The following MEIS2 variants were observed in gnomAD, a reference collection of about 807,000 sequenced individuals.
MEIS2 encodes homeobox protein Meis2.
In MEIS2, 9 loss-of-function variants were observed where a neutral mutation model predicts 58.6. That is an observed-to-expected ratio of 0.15 (90% CI 0.09 to 0.27). MEIS2 has a LOEUF of 0.27. Among genes scored for constraint, MEIS2 ranks in the 10% least tolerant of loss-of-function variants. MEIS2 has a pLI of 1.00. For synonymous variants in MEIS2, 221 were observed against 228.4 expected, an observed-to-expected ratio of 0.97 and a Z score of 0.29; for missense variants, 427 against 635.0, an observed-to-expected ratio of 0.67 and a Z score of 3.52.
chr15:37,088,931 G>T (rs1393117027), intron 6 of MEIS2, among the ~76,000 whole-genome samples: 5 of 152,088 alleles, frequency 3.3e-5, no homozygotes, highest in African/African-American at 4.8e-5. Context: ...ATCTGATAGG[G>T]AATGTCTATG....
At chr15:37,031,478 A>C (rs2061922516) in intron 8 of MEIS2, among the ~76,000 whole-genome samples, 1 of 143,872 alleles carries the variant, frequency 7.0e-6, no homozygotes, top group Non-Finnish European at 1.5e-5. Context: ...AAGATGACTA[A>C]GTTTACGGTC....
At chr15:36,996,889 T>C (rs1043258079) in intron 8 of MEIS2, among the ~76,000 whole-genome samples, 1 of 152,232 alleles carries the variant, frequency 6.6e-6, no homozygotes, top group African/African-American at 2.4e-5. Flanking sequence ...ATTACATACT[T>C]GCATTCAGGC....
intron 7 of MEIS2, among the ~76,000 whole-genome samples, chr15:37,057,321 C>G (rs1203264075): frequency 6.6e-6 from 1 of 152,242 alleles, no homozygotes; most frequent in Non-Finnish European, 1.5e-5. Context: ...CCTGCCTCCT[C>G]AGAGTGCTGA....
At chr15:37,003,864 G>A (rs2060824096) in intron 8 of MEIS2, among the ~76,000 whole-genome samples, 1 of 152,136 alleles carries the variant, frequency 6.6e-6, no homozygotes. Context: ...TCTGCCATAT[G>A]AGGACATATT....
chr15:36,902,817 A>G (rs2056546208), intron 9 of MEIS2, among the ~76,000 whole-genome samples: 1 of 152,170 alleles, frequency 6.6e-6, no homozygotes, highest in Non-Finnish European at 1.5e-5. Flanking sequence ...TAATAATTTA[A>G]TTTATTGTAC....
At chr15:37,073,941 AT>A (rs1891039943) in intron 7 of MEIS2, among the ~76,000 whole-genome samples, 1 of 152,082 alleles carries the variant, frequency 6.6e-6, no homozygotes, top group African/African-American at 2.4e-5. Flanking sequence ...TATATTTTAT[AT>A]GAATTTACAG....
At position 37,019,023 on chromosome 15, in the gene MEIS2, C is replaced by T. The variant is rs375955876; in HGVS notation, c.900+17791G>A. Reference sequence around the variant, plus strand: ...CCAAGAGGACTAGTCCCAGACCACCCGCAGCTATAATTTATGTCATGGGGT... The same window carrying T: ...CCAAGAGGACTAGTCCCAGACCACCTGCAGCTATAATTTATGTCATGGGGT... On this transcript the variant is annotated intron_variant, in intron 8 of 11. Coordinates refer to ENST00000561208, the MANE Select transcript of MEIS2 (RefSeq NM_170675.5). Among the ~76,000 whole-genome samples, 367 of 152,192 alleles carry T rather than the reference C, an allele frequency of 2.4e-3. 1 individual carries two copies. The highest frequency in any genetic ancestry group is 4.4e-3 in the Non-Finnish European group (297 of 68,006).
intron 8 of MEIS2, among the ~76,000 whole-genome samples, chr15:36,984,875 C>T (rs56797786): frequency 0.014 from 2,120 of 152,114 alleles, 58 homozygotes; most frequent in African/African-American, 0.048. Flanking sequence ...TTTATTGGCA[C>T]AAAATTGCTC....
chr15:37,036,205 C>T (rs2062145380), intron 8 of MEIS2, among the ~76,000 whole-genome samples: 1 of 152,134 alleles, frequency 6.6e-6, no homozygotes, highest in Non-Finnish European at 1.5e-5. Context: ...ACATGGTTAG[C>T]TTTTAAGATA....
intron 8 of MEIS2, among the ~76,000 whole-genome samples, chr15:36,964,215 T>C (rs1019887434): frequency 6.6e-6 from 1 of 152,238 alleles, no homozygotes; most frequent in Admixed American, 6.5e-5. Flanking sequence ...AAATGAAACA[T>C]TCTGGTGGAT....
intron 7 of MEIS2, among the ~76,000 whole-genome samples, chr15:37,058,750 G>C (rs1302944360): frequency 6.6e-6 from 1 of 152,210 alleles, no homozygotes; most frequent in Non-Finnish European, 1.5e-5. Context: ...AGGCTCCACA[G>C]ATCACCTGGG....
At chr15:37,035,996 T>C (rs1328869360) in intron 8 of MEIS2, among the ~76,000 whole-genome samples, 1 of 152,256 alleles carries the variant, frequency 6.6e-6, no homozygotes, top group East Asian at 1.9e-4. Flanking sequence ...AAATTTTTAC[T>C]GGTTTCCCAG....
At chr15:37,036,775 A>G in intron 8 of MEIS2, 39 bp downstream of exon 8, 1 of 1,598,926 alleles carries the variant, frequency 6.3e-7, no homozygotes, top group Non-Finnish European at 8.5e-7. Flanking sequence ...TAGCAAAACA[A>G]CAAAAACTAT....
chr15:37,032,583 G>A (rs2061973634), intron 8 of MEIS2, among the ~76,000 whole-genome samples: 1 of 152,158 alleles, frequency 6.6e-6, no homozygotes, highest in South Asian at 2.1e-4. Flanking sequence ...TTCCAGCAAA[G>A]GCACACACAT....
At chr15:37,026,432 G>C (rs937163362) in intron 8 of MEIS2, among the ~76,000 whole-genome samples, 1 of 152,122 alleles carries the variant, frequency 6.6e-6, no homozygotes, top group African/African-American at 2.4e-5. Flanking sequence ...ATATTTCCAA[G>C]ACAAAATTAA....
intron 8 of MEIS2, among the ~76,000 whole-genome samples, chr15:37,030,908 T>C (rs1391988460): frequency 1.3e-5 from 2 of 152,130 alleles, no homozygotes; most frequent in East Asian, 3.9e-4. Context: ...CCCAAAGTGT[T>C]GGGGTTAAAG....
rs1894132327 is a variant in MEIS2 at position 37,095,629 on chromosome 15, G to A, written c.388-15C>T. 1.9e-6 allele frequency: 3 copies of A among 1,614,214 alleles called. No individual in the cohort carries two copies. In the East Asian group the frequency reaches 6.7e-5, roughly 36 times the overall value. ...TCGGCGCGAACCTGTAAGAAACAGA[G>A]AGTCAACTTGAACGATCACCCCATT... On this transcript the variant is annotated splice_polypyrimidine_tract_variant and intron_variant, in intron 3 of 11. Coordinates refer to ENST00000561208, the MANE Select transcript of MEIS2 (RefSeq NM_170675.5).
At chr15:36,913,177 C>T (rs929685403) in intron 9 of MEIS2, among the ~76,000 whole-genome samples, 8 of 152,216 alleles carry the variant, frequency 5.3e-5, no homozygotes, top group Non-Finnish European at 1.2e-4. Context: ...CAGACTTACT[C>T]GGTTCTTAGC....
chr15:37,037,197 T>C (rs2062191688), intron 7 of MEIS2, among the ~76,000 whole-genome samples: 1 of 152,228 alleles, frequency 6.6e-6, no homozygotes, highest in African/African-American at 2.4e-5. Context: ...ATTATAACTG[T>C]GCACTTGACA....
Sources: allele counts gnomAD v4.1 joint callset (sites outside exome capture counted in the v4.1 genomes callset), GRCh38; gene constraint gnomAD v4.1.1; transcripts MANE v1.5; gene names NCBI Gene and HGNC (gene_info 2026-07-23, HGNC 2026-07-21).